Variants in NPTXR observed in about 807,000 individuals in gnomAD.
NPTXR encodes the protein neuronal pentraxin receptor.
NPTXR carries 12 observed loss-of-function variants against 32.2 expected under a neutral mutation model. That is an observed-to-expected ratio of 0.37 (90% confidence interval 0.24 to 0.60). The LOEUF (loss-of-function observed/expected upper bound fraction) is 0.60, where lower values mean the gene tolerates loss of function less well. Ranked by LOEUF, NPTXR falls within the 20% of genes least tolerant of loss-of-function variation. The pLI, the probability that NPTXR is intolerant of heterozygous loss-of-function variation, is 0.66. For missense variants in NPTXR, 612 were observed against 682.9 expected (o/e 0.90, Z 1.16); for synonymous variants, 323 against 315.8 (o/e 1.02, Z -0.24).
Position 38,843,945 on chromosome 22 carries a change from C to G in NPTXR, c.-87G>C. 1 of 790,234 alleles carries G rather than the reference C, an allele frequency of 1.3e-6. No homozygotes were observed. Among genetic ancestry groups the G allele is most frequent in the Non-Finnish European group, 1.5e-6 (1 of 654,206 alleles). 49.0% of individuals were successfully genotyped at this position (790,234 alleles called of 1,614,324 possible). Reference sequence around the variant, plus strand: ...CGGAGCCCGGGCGCGCTGGGCCGAGCGGGGCAGGCGCGGGAGCCGGAGCCG... The same window carrying G: ...CGGAGCCCGGGCGCGCTGGGCCGAGGGGGGCAGGCGCGGGAGCCGGAGCCG... On this transcript the variant is annotated 5_prime_UTR_variant, in exon 1 of 5. Transcript: ENST00000333039. The surrounding 1 kb of genome is among the most constrained non-coding windows in gnomAD (Gnocchi z 5.3).
chr22:38,836,979 T>G (rs2146198470), intron 1 of NPTXR, among the ~76,000 whole-genome samples: 1 of 152,266 alleles, frequency 6.6e-6, no homozygotes, highest in Admixed American at 6.5e-5. Flanking sequence ...CATGCCCGGC[T>G]AATTTTTTGT....
At chr22:38,826,906 G>A (rs890759383) in intron 2 of NPTXR, among the ~76,000 whole-genome samples, 159 bp from the exon 3 acceptor site, 1 of 152,248 alleles carries the variant, frequency 6.6e-6, no homozygotes, top group Admixed American at 6.5e-5. Flanking sequence ...GTTGAGGGGT[G>A]TGATTAAAGT....
chr22:38,828,254 C>G, intron 2 of NPTXR, 33 bp downstream of exon 2: 3 of 1,554,444 alleles, frequency 1.9e-6, no homozygotes, highest in Non-Finnish European at 2.7e-6. Context: ...CCTGAGGACC[C>G]CTCCAATGCC....
Position 38,823,242 on chromosome 22 carries a change from G to T in NPTXR, c.1119C>A (p.Ser373Arg). The T allele has an allele frequency of 6.2e-7, 1 of 1,612,598 alleles. No homozygotes were observed. The highest frequency in any genetic ancestry group is 1.1e-5 in the South Asian group (1 of 91,084). ...TGTGGTGCCAGCCATTGTCCTTCAG[G>T]CTCAGGGGCAGCTGGGCCACCTGGA... Residue 373 changes from serine (S) to arginine (R), a missense_variant, in exon 4 of 5, where the codon AGC becomes AGA. Transcript: ENST00000333039.
chr22:38,826,123 A>G (rs1326750056), intron 3 of NPTXR, among the ~76,000 whole-genome samples: 1 of 152,172 alleles, frequency 6.6e-6, no homozygotes, highest in Non-Finnish European at 1.5e-5. Context: ...GATTACAGGC[A>G]TGAGCCAGTG....
At chr22:38,822,997 T>A in intron 4 of NPTXR, 86 bp downstream of exon 4, 1 of 1,539,624 alleles carries the variant, frequency 6.5e-7, no homozygotes, top group Non-Finnish European at 8.9e-7. Flanking sequence ...TTCTAGTTCC[T>A]TGGGCAGGTC....
chr22:38,840,304 G>A (rs548762277), intron 1 of NPTXR, among the ~76,000 whole-genome samples: 2 of 152,280 alleles, frequency 1.3e-5, no homozygotes, highest in Admixed American at 1.3e-4. Flanking sequence ...AAGATGTGGA[G>A]CAGGAATGTG....
At chr22:38,842,082 C>T (rs1283104521) in intron 1 of NPTXR, among the ~76,000 whole-genome samples, 2 of 152,204 alleles carry the variant, frequency 1.3e-5, no homozygotes, top group Non-Finnish European at 2.9e-5. Flanking sequence ...TGTCAGACCA[C>T]GACATCCTCA....
intron 3 of NPTXR, among the ~76,000 whole-genome samples, chr22:38,825,434 A>C (rs2093104869): frequency 1.3e-5 from 2 of 152,192 alleles, no homozygotes; most frequent in South Asian, 4.1e-4. Context: ...TAATAATGTG[A>C]GTAAACTGCT....
chr22:38,828,355 C>T lies in NPTXR; in HGVS notation c.782G>A (p.Arg261His). 3.1e-6 allele frequency: 5 copies of T among 1,613,110 alleles called. No individual in the cohort carries two copies. Among genetic ancestry groups the T allele is most frequent in the Non-Finnish European group, 3.4e-6 (4 of 1,179,984 alleles). ...CTTTTCCACTTCCTGCCTCTGCCGGCGGCTGCTGTGGCTGAGGGCCACACG... is the reference window on the plus strand; with the variant it reads ...CTTTTCCACTTCCTGCCTCTGCCGGTGGCTGCTGTGGCTGAGGGCCACACG... The change falls in exon 2 of 5, where the codon CGC (arginine) becomes CAC (histidine). Residue 261 changes from arginine to histidine, a missense_variant. Coordinates refer to ENST00000333039, the MANE Select transcript of NPTXR (RefSeq NM_014293.4).
chr22:38,833,398 C>T (rs946114393), intron 1 of NPTXR, among the ~76,000 whole-genome samples: 19 of 152,314 alleles, frequency 1.2e-4, no homozygotes, highest in East Asian at 1.2e-3. Context: ...GTGTGGACCA[C>T]GGCCCCTCAC....
rs11913398 is a variant in NPTXR, at chr22:38,837,069, T to C, written c.624+6166A>G. Among the ~76,000 whole-genome samples, 1,452 of 152,240 alleles carry C rather than the reference T, an allele frequency of 9.5e-3. 23 individuals are homozygous for C. The highest frequency in any genetic ancestry group is 0.033 in the African/African-American group (1,385 of 41,534). The stretch of plus-strand genomic sequence containing the variant: ...GACCTCGTGATACGCCCACCTCAGC[T>C]TCCCAAAGTGCTGGGATTACAGGCG... On this transcript the variant is annotated intron_variant, in intron 1 of 4. Coordinates refer to ENST00000333039, the MANE Select transcript of NPTXR (RefSeq NM_014293.4).
intron 1 of NPTXR, among the ~76,000 whole-genome samples, chr22:38,835,214 C>T (rs537633593): frequency 6.6e-6 from 1 of 152,240 alleles, no homozygotes; most frequent in Non-Finnish European, 1.5e-5. Context: ...TCCCAGCTGG[C>T]GGTGCTCCCA....
chr22:38,843,477 T>G lies in NPTXR; in HGVS notation c.382A>C (p.Ser128Arg), dbSNP rs2093134855. 1.5e-6 allele frequency: 2 copies of G among 1,323,880 alleles called. No homozygotes were observed. Among genetic ancestry groups the G allele is most frequent in the African/African-American group, 3.1e-5 (2 of 64,920 alleles). 82.0% of individuals were successfully genotyped at this position (1,323,880 alleles called of 1,614,324 possible). A position where few individuals can be genotyped will look rare whatever the true frequency, so the allele number is the denominator to read the frequency against. Residue 128 changes from serine (S) to arginine (R), a missense_variant, in exon 1 of 5, where the codon AGC (serine) becomes CGC (arginine). Transcript: ENST00000333039. This position sits in a 1 kb window ranked among gnomAD's most constrained non-coding sequence, Gnocchi z 5.3. The stretch of plus-strand genomic sequence containing the variant: ...GTCTGGCGCAGCTGCTCGGCCGTGC[T>G]CTGCAGCAGCAGCAGCTCTTCGCGC...
At chr22:38,832,646 G>A (rs927488295) in intron 1 of NPTXR, among the ~76,000 whole-genome samples, 1 of 152,230 alleles carries the variant, frequency 6.6e-6, no homozygotes, top group Non-Finnish European at 1.5e-5. Flanking sequence ...GAAGTAGGGA[G>A]GCCCACTCAG....
intron 1 of NPTXR, among the ~76,000 whole-genome samples, chr22:38,832,113 G>C (rs2146195688): frequency 6.6e-6 from 1 of 152,304 alleles, no homozygotes; most frequent in Non-Finnish European, 1.5e-5. Flanking sequence ...CGGGCTGAGG[G>C]GGTGTGCGCT....
In NPTXR at chr22:38,823,245, C is replaced by G. The variant is rs748254165; in HGVS notation, c.1116G>C (p.Leu372=). ...GGTGCCAGCCATTGTCCTTCAGGCT[C>G]AGGGGCAGCTGGGCCACCTGGACAC... Residue 372 remains leucine, a synonymous_variant, in exon 4 of 5, where the codon CTG becomes CTC. Transcript: ENST00000333039. The G allele has an allele frequency of 6.2e-7, 1 of 1,612,410 alleles. No homozygotes were observed. Among genetic ancestry groups the G allele is most frequent in the Admixed American group, 1.7e-5 (1 of 60,018 alleles).
rs766989044 is a variant in NPTXR at position 38,843,338 on chromosome 22, G to A, written c.521C>T (p.Pro174Leu). Residue 174 changes from proline to leucine, a missense_variant, in exon 1 of 5, where the codon CCC becomes CTC. Pro to Leu is a moderately conservative substitution (Grantham distance 98). Coordinates refer to ENST00000333039, the MANE Select transcript of NPTXR (RefSeq NM_014293.4). This position sits in a 1 kb window ranked among gnomAD's most constrained non-coding sequence, Gnocchi z 5.3. ...CCCGTCGGCCATGGTGTCGCGGCGG[G>A]GCCCGGCGCCCTGGAGGCCGCGCGG... 2 of 1,415,240 alleles carry A rather than the reference G, an allele frequency of 1.4e-6. No homozygotes were observed. Among genetic ancestry groups the A allele is most frequent in the African/African-American group, 3.0e-5 (2 of 66,200 alleles). The allele number at this position is 1,415,240 out of a possible 1,614,324, so 87.7% of individuals were successfully genotyped here.
Position 38,822,608 on chromosome 22 carries a change from C to T in NPTXR, c.*1G>A, listed in dbSNP as rs749292661. ...GGAGGGGCCCTGGATGAGGTGGCCC[C>T]TCATGCCTTGGCCCTCCCCTTGCAG... is the stretch of plus-strand genomic sequence containing the variant. On this transcript the variant is annotated 3_prime_UTR_variant, in exon 5 of 5. Coordinates refer to ENST00000333039, the MANE Select transcript of NPTXR (RefSeq NM_014293.4). The T allele has an allele frequency of 2.4e-5, 38 of 1,605,186 alleles. No individual in the cohort carries two copies. The Admixed American group carries it at 6.1e-4, about 26-fold the overall frequency.
Sources: gnomAD v4.1 joint callset for allele counts (sites outside exome capture counted in the v4.1 genomes callset) on GRCh38, gnomAD v4.1.1 for gene constraint, Gnocchi (gnomAD v3.1) non-coding constraint, MANE v1.5 for transcripts, NCBI Gene and HGNC (gene_info 2026-07-23, HGNC 2026-07-21) for gene names.